Variants in SGCZ observed in about 807,000 individuals in gnomAD.
SGCZ encodes the protein zeta-sarcoglycan.
SGCZ carries 40 observed loss-of-function variants against 41.3 expected under a neutral mutation model. The ratio of observed to expected loss-of-function variants is 0.97; its 90% CI spans 0.75 to 1.26. The LOEUF (loss-of-function observed/expected upper bound fraction) is 1.26. SGCZ is among the 50% of genes most tolerant of loss of function. SGCZ has a pLI of 0.00. For synonymous variants in SGCZ, 206 were observed against 137.5 expected, an observed-to-expected ratio of 1.50 and a Z score of -3.49; for missense variants, 552 against 369.8, an observed-to-expected ratio of 1.49 and a Z score of -4.04.
intron 1 of SGCZ, among the ~76,000 whole-genome samples, chr8:14,732,762 A>T (rs970228210): frequency 6.6e-6 from 1 of 152,146 alleles, no homozygotes; most frequent in East Asian, 1.9e-4. Flanking sequence ...TAAGTGATAG[A>T]GAAGTATTTT....
chr8:15,040,945 G>T (rs1804072471), intron 1 of SGCZ, among the ~76,000 whole-genome samples: 2 of 152,100 alleles, frequency 1.3e-5, no homozygotes, highest in South Asian at 4.1e-4. Context: ...AGGTAAAAAA[G>T]TGTCTAATAC....
chr8:14,295,865 GAGAA>G (rs1800993757), intron 3 of SGCZ, among the ~76,000 whole-genome samples: 2 of 152,150 alleles, frequency 1.3e-5, no homozygotes, highest in South Asian at 4.1e-4. Context: ...GAACTGCACA[GAGAA>G]AGAGCCTCAC....
intron 2 of SGCZ, among the ~76,000 whole-genome samples, chr8:14,513,283 C>T (rs1415784724): frequency 1.3e-5 from 2 of 152,050 alleles, no homozygotes; most frequent in Non-Finnish European, 2.9e-5. Context: ...AGCAATCCTC[C>T]CACCTTGGCC....
At chr8:14,190,974 G>A (rs1805084058) in intron 4 of SGCZ, among the ~76,000 whole-genome samples, 1 of 152,090 alleles carries the variant, frequency 6.6e-6, no homozygotes, top group South Asian at 2.1e-4. Context: ...AAGTGTACAA[G>A]GATTCCCTTT....
At chr8:14,519,384 G>A (rs1445621569) in intron 2 of SGCZ, among the ~76,000 whole-genome samples, 2 of 151,960 alleles carry the variant, frequency 1.3e-5, no homozygotes, top group Non-Finnish European at 2.9e-5. Flanking sequence ...ATATGGAAAA[G>A]TTTCCTTGGC....
At chr8:14,646,631 C>T (rs773621872) in intron 1 of SGCZ, among the ~76,000 whole-genome samples, 9 of 150,740 alleles carry the variant, frequency 6.0e-5, no homozygotes, top group Non-Finnish European at 1.3e-4. Context: ...TGAGAAATTT[C>T]TGAACTTCTT....
chr8:14,455,560 T>C (rs1800719529), intron 2 of SGCZ, among the ~76,000 whole-genome samples: 1 of 152,118 alleles, frequency 6.6e-6, no homozygotes, highest in Admixed American at 6.6e-5. Context: ...GATAGATAGA[T>C]CGATCTCCAT....
intron 1 of SGCZ, among the ~76,000 whole-genome samples, chr8:14,895,269 T>C (rs367776599): frequency 1.3e-5 from 2 of 152,174 alleles, no homozygotes; most frequent in African/African-American, 4.8e-5. Context: ...CTTGGGTACA[T>C]TACCTAATTC....
intron 2 of SGCZ, among the ~76,000 whole-genome samples, chr8:14,381,648 G>A (rs139670581): frequency 3.3e-5 from 5 of 151,544 alleles, no homozygotes; most frequent in African/African-American, 1.2e-4. Context: ...GTGTAGTCAC[G>A]TGCACCTGTA....
intron 1 of SGCZ, among the ~76,000 whole-genome samples, chr8:15,175,961 A>AT (rs1799987751): frequency 2.0e-5 from 3 of 152,206 alleles, no homozygotes; most frequent in Non-Finnish European, 2.9e-5. Context: ...CGTTGTTTGC[A>AT]GCTTTCAGAC....
chr8:14,622,127 T>C (rs1457106412), intron 1 of SGCZ, among the ~76,000 whole-genome samples: 2 of 152,080 alleles, frequency 1.3e-5, no homozygotes, highest in African/African-American at 4.8e-5. Context: ...AGCCCTCCAA[T>C]GAGAAGAGGT....
intron 1 of SGCZ, among the ~76,000 whole-genome samples, chr8:14,792,655 G>A (rs760017961): frequency 3.3e-5 from 5 of 152,020 alleles, no homozygotes; most frequent in Non-Finnish European, 7.4e-5. Context: ...CCATGTTGGT[G>A]TGCTGCACCC....
intron 2 of SGCZ, among the ~76,000 whole-genome samples, chr8:14,462,580 T>C (rs368026903): frequency 2.0e-5 from 3 of 152,058 alleles, no homozygotes; most frequent in African/African-American, 7.2e-5. Context: ...CATTGGTCTA[T>C]GTGCCTATTT....
At chr8:15,101,968 C>T (rs969959504) in intron 1 of SGCZ, among the ~76,000 whole-genome samples, 1 of 152,118 alleles carries the variant, frequency 6.6e-6, no homozygotes, top group Non-Finnish European at 1.5e-5. Context: ...GAGAGTTTGG[C>T]AGTTTTCTAC....
chr8:14,838,803 C>G (rs1247318459), intron 1 of SGCZ, among the ~76,000 whole-genome samples: 1 of 152,112 alleles, frequency 6.6e-6, no homozygotes, highest in Non-Finnish European at 1.5e-5. Context: ...TCTGACTGAT[C>G]ATCACATAAA....
intron 1 of SGCZ, among the ~76,000 whole-genome samples, chr8:15,173,169 C>A (rs190932345): frequency 5.7e-4 from 86 of 152,196 alleles, no homozygotes; most frequent in African/African-American, 2.0e-3. Flanking sequence ...ATTTGTGTGA[C>A]CTTTAGCAAT....
chr8:14,642,901 G>C (rs13276038), intron 1 of SGCZ, among the ~76,000 whole-genome samples: 67,140 of 151,204 alleles, frequency 0.44, 15,175 homozygotes, highest in East Asian at 0.68. Context: ...ATTTAGTACA[G>C]ACGGAAATGT....
rs1298362042 is a variant in SGCZ at position 14,306,167 on chromosome 8, T to G, written c.336+17936A>C. Reference sequence around the variant, plus strand: ...TGAATCCATCATTACATATAACTTTTAGAAAATTAAACTATTTCCATAACC... The same window carrying G: ...TGAATCCATCATTACATATAACTTTGAGAAAATTAAACTATTTCCATAACC... On this transcript the variant is annotated intron_variant, in intron 3 of 7. Transcript: ENST00000382080. Among the ~76,000 whole-genome samples, 3 of 152,186 alleles carry G rather than the reference T, an allele frequency of 2.0e-5. No individual in the cohort carries two copies. The South Asian group carries it at 6.2e-4, about 31-fold the overall frequency.
chr8:15,048,277 G>C (rs1425438246), intron 1 of SGCZ, among the ~76,000 whole-genome samples: 1 of 151,980 alleles, frequency 6.6e-6, no homozygotes, highest in Admixed American at 6.6e-5. Context: ...AGCTAGATAA[G>C]TGGATCCCAT....
Sources: allele counts gnomAD v4.1 joint callset (sites outside exome capture counted in the v4.1 genomes callset), GRCh38; gene constraint gnomAD v4.1.1; transcripts MANE v1.5; gene names NCBI Gene and HGNC (gene_info 2026-07-23, HGNC 2026-07-21).